The following PIK3C2G variants were observed in gnomAD, a reference collection of about 807,000 sequenced individuals.
The protein encoded by PIK3C2G is phosphatidylinositol-4-phosphate 3-kinase catalytic subunit type 2 gamma.
A neutral mutation model predicts 181.1 loss-of-function variants in PIK3C2G; 168 were observed. That is an observed-to-expected ratio of 0.93 (90% CI 0.82 to 1.05). The LOEUF (loss-of-function observed/expected upper bound fraction) is 1.05, where lower values mean the gene tolerates loss of function less well. Ranked by LOEUF, PIK3C2G falls within the 50% of genes least tolerant of loss-of-function variation. The pLI is 0.00. For missense variants in PIK3C2G, 1,869 were observed against 1,732.8 expected (o/e 1.08, Z -1.40); for synonymous variants, 573 against 592.2 (o/e 0.97, Z 0.47).
chr12:18,484,063 T>G (rs2136033143), intron 18 of PIK3C2G, among the ~76,000 whole-genome samples: 1 of 152,306 alleles, frequency 6.6e-6, no homozygotes, highest in South Asian at 2.1e-4. Context: ...TTAAAGCGTC[T>G]CCATGGACAT....
the PIK3C2G span, chr12:18,692,707 C>T: frequency 1.3e-6 from 1 of 772,052 alleles, no homozygotes; most frequent in African/African-American, 1.8e-5. Flanking sequence ...CAAATACAGA[C>T]TTTGAATCAT....
At chr12:18,428,585 A>G (rs1374476095) in intron 18 of PIK3C2G, among the ~76,000 whole-genome samples, 1 of 152,184 alleles carries the variant, frequency 6.6e-6, no homozygotes, top group Non-Finnish European at 1.5e-5. Context: ...CAGTGATCAG[A>G]AAGTTGCCTC....
At chr12:18,337,672 A>T (rs1938666172) in intron 8 of PIK3C2G, among the ~76,000 whole-genome samples, 1 of 152,142 alleles carries the variant, frequency 6.6e-6, no homozygotes, top group African/African-American at 2.4e-5. Flanking sequence ...AGATTTTGTG[A>T]GAACTCACTG....
At chr12:18,254,785 G>A (rs1020505273) in intron 1 of PIK3C2G, among the ~76,000 whole-genome samples, 2 of 152,198 alleles carry the variant, frequency 1.3e-5, no homozygotes, top group Non-Finnish European at 2.9e-5. Flanking sequence ...CCGGGAGGCA[G>A]AGGTTGGAGT....
intron 13 of PIK3C2G, among the ~76,000 whole-genome samples, chr12:18,377,724 T>G (rs2137930608): frequency 6.6e-6 from 1 of 152,358 alleles, no homozygotes; most frequent in African/African-American, 2.4e-5. Context: ...TCAAAATGTT[T>G]AATTTTAACT....
chr12:18,653,953 T>G, the PIK3C2G span, among the ~76,000 whole-genome samples: 1 of 152,060 alleles, frequency 6.6e-6, no homozygotes, highest in African/African-American at 2.4e-5. Flanking sequence ...GCTCCATGAT[T>G]CCGATTTACC....
intron 31 of PIK3C2G, among the ~76,000 whole-genome samples, chr12:18,627,097 T>A (rs1434774128): frequency 6.6e-6 from 1 of 151,870 alleles, no homozygotes; most frequent in Non-Finnish European, 1.5e-5. Flanking sequence ...TCTGCTTGGA[T>A]AATTTCAAAT....
chr12:18,538,129 A>G, intron 24 of PIK3C2G, 27 bp from the exon 25 acceptor site: 1 of 1,592,334 alleles, frequency 6.3e-7, no homozygotes. Flanking sequence ...CTTCCTTCGA[A>G]TGATTGCTAC....
chr12:18,406,564 G>A (rs1172562645), intron 16 of PIK3C2G, among the ~76,000 whole-genome samples: 1 of 152,140 alleles, frequency 6.6e-6, no homozygotes, highest in Admixed American at 6.6e-5. Context: ...TTGATGTTTG[G>A]GGTTTGTATC....
the PIK3C2G span, among the ~76,000 whole-genome samples, chr12:18,699,218 C>A: frequency 6.6e-6 from 1 of 152,142 alleles, no homozygotes; most frequent in South Asian, 2.1e-4. Flanking sequence ...GCCATTTCTT[C>A]CCCTTCCTTC....
chr12:18,311,364 T>C, intron 5 of PIK3C2G, among the ~76,000 whole-genome samples: 1 of 152,280 alleles, frequency 6.6e-6, no homozygotes. Flanking sequence ...ATATGTTTCA[T>C]GTAGTATTTT....
At chr12:18,635,724 C>A (rs914411357) in intron 31 of PIK3C2G, among the ~76,000 whole-genome samples, 1 of 152,180 alleles carries the variant, frequency 6.6e-6, no homozygotes, top group Admixed American at 6.5e-5. Context: ...GGCAAAGCAG[C>A]TTGCACAGCA....
At chr12:18,693,906 A>T in the PIK3C2G span, 1 of 1,528,518 alleles carries the variant, frequency 6.5e-7, no homozygotes, top group Non-Finnish European at 9.1e-7. Flanking sequence ...CTGGCTGATG[A>T]TGTAACCCTG....
chr12:18,622,309 T>C (rs1948897252), intron 31 of PIK3C2G, among the ~76,000 whole-genome samples: 1 of 151,950 alleles, frequency 6.6e-6, no homozygotes, highest in African/African-American at 2.4e-5. Context: ...ACATGCAGTA[T>C]CTGTCTTCCT....
intron 22 of PIK3C2G, among the ~76,000 whole-genome samples, chr12:18,501,903 C>G (rs1012787566): frequency 6.6e-6 from 1 of 152,102 alleles, no homozygotes; most frequent in Non-Finnish European, 1.5e-5. Context: ...GGTAAGATGG[C>G]ATTGAAACAC....
chr12:18,599,447 A>C (rs896997587), intron 30 of PIK3C2G, among the ~76,000 whole-genome samples: 15 of 151,234 alleles, frequency 9.9e-5, no homozygotes, highest in Non-Finnish European at 2.2e-4. Context: ...GAATTGAACA[A>C]TGAGAACACA....
At chr12:18,560,297 G>T (rs973281852) in intron 26 of PIK3C2G, among the ~76,000 whole-genome samples, 1 of 151,884 alleles carries the variant, frequency 6.6e-6, no homozygotes, top group Non-Finnish European at 1.5e-5. Flanking sequence ...ACAAGAAAAA[G>T]ATAAATAAGA....
At chr12:18,548,997 G>C (rs1406648551) in intron 26 of PIK3C2G, among the ~76,000 whole-genome samples, 2 of 151,894 alleles carry the variant, frequency 1.3e-5, no homozygotes, top group Non-Finnish European at 2.9e-5. Context: ...CGCTTTGCTA[G>C]CTCACTAGAA....
chr12:18,365,572 A>G (rs1405870637), intron 12 of PIK3C2G, among the ~76,000 whole-genome samples: 1 of 152,078 alleles, frequency 6.6e-6, no homozygotes, highest in Admixed American at 6.5e-5. Flanking sequence ...TGCTTTCCAC[A>G]TGGCTGACTC....
Sources: gnomAD v4.1 joint callset for allele counts (sites outside exome capture counted in the v4.1 genomes callset) on GRCh38, gnomAD v4.1.1 for gene constraint, MANE v1.5 for transcripts, NCBI Gene and HGNC (gene_info 2026-07-23, HGNC 2026-07-21) for gene names.